PLB1: variants seen among roughly 807,000 people sequenced by gnomAD.
PLB1 encodes phospholipase B1.
A neutral mutation model predicts 227.4 loss-of-function variants in PLB1; 242 were observed. The observed-to-expected ratio is 1.06, with a 90% confidence interval of 0.96 to 1.18. PLB1 has a LOEUF of 1.18. Ranked by LOEUF, PLB1 falls within the 50% of genes most tolerant of loss-of-function variation. The pLI is 0.00. For missense variants in PLB1, 1,858 were observed against 1,816.3 expected (o/e 1.02, Z -0.42); for synonymous variants, 757 against 682.2 (o/e 1.11, Z -1.71).
chr2:28,537,774 T>A (rs547928206), intron 9 of PLB1, among the ~76,000 whole-genome samples: 1 of 151,520 alleles, frequency 6.6e-6, no homozygotes, highest in African/African-American at 2.4e-5. Context: ...GCGTGGGAGA[T>A]GTCTTTAAAT....
intron 57 of PLB1, 46 bp downstream of exon 57, chr2:28,641,047 T>TG: frequency 6.4e-7 from 1 of 1,574,522 alleles, no homozygotes; most frequent in Non-Finnish European, 8.7e-7. Context: ...ATGCCTGGGG[T>TG]GGGGGTTGTC....
chr2:28,549,691 CCTT>C (rs1479770897), intron 15 of PLB1, among the ~76,000 whole-genome samples: 1 of 152,144 alleles, frequency 6.6e-6, no homozygotes, highest in Non-Finnish European at 1.5e-5. Context: ...ATACAATTCA[CCTT>C]CTTGCACTTT....
chr2:28,597,928 C>T, intron 33 of PLB1, 77 bp from the exon 34 acceptor site: 1 of 1,390,418 alleles, frequency 7.2e-7, no homozygotes, highest in Non-Finnish European at 1.0e-6. Flanking sequence ...GTGGGGGCTG[C>T]TCTTGTGTAA....
At chr2:28,555,449 A>T (rs1385461005) in intron 17 of PLB1, among the ~76,000 whole-genome samples, 2 of 151,802 alleles carry the variant, frequency 1.3e-5, no homozygotes, top group Non-Finnish European at 2.9e-5. Context: ...GCCATGTGCC[A>T]GTGATCTTGA....
intron 14 of PLB1, among the ~76,000 whole-genome samples, chr2:28,547,865 C>T (rs1030135402): frequency 6.6e-6 from 1 of 151,816 alleles, no homozygotes; most frequent in African/African-American, 2.4e-5. Flanking sequence ...TAAAAAAAAT[C>T]CCTCCTTCCC....
chr2:28,500,298 G>A (rs913840986), intron 1 of PLB1, among the ~76,000 whole-genome samples: 18 of 152,206 alleles, frequency 1.2e-4, no homozygotes, highest in Non-Finnish European at 2.2e-4. Flanking sequence ...ACAACAAACA[G>A]TGATGTTCAT....
intron 43 of PLB1, among the ~76,000 whole-genome samples, chr2:28,607,398 C>T (rs979304317): frequency 2.6e-5 from 4 of 152,138 alleles, no homozygotes; most frequent in South Asian, 2.1e-4. Flanking sequence ...AGAGAGTGGG[C>T]ACCCCTGTTC....
chr2:28,642,797 T>A, intron 57 of PLB1, 61 bp from the exon 58 acceptor site: 1 of 1,430,216 alleles, frequency 7.0e-7, no homozygotes. Flanking sequence ...AGGCAAGTCT[T>A]GGCTTGGTGA....
chr2:28,597,669 A>G (rs1573306183), intron 33 of PLB1, among the ~76,000 whole-genome samples: 2 of 152,340 alleles, frequency 1.3e-5, no homozygotes, highest in African/African-American at 2.4e-5. Context: ...TAAAATGGAC[A>G]TAGTCACATC....
At chr2:28,614,723 C>A (rs1279908210) in intron 44 of PLB1, among the ~76,000 whole-genome samples, 1 of 152,164 alleles carries the variant, frequency 6.6e-6, no homozygotes, top group African/African-American at 2.4e-5. Flanking sequence ...GGGGTTTGAC[C>A]CGCAGTTTCA....
intron 21 of PLB1, among the ~76,000 whole-genome samples, chr2:28,577,316 T>C (rs1360807211): frequency 6.6e-6 from 1 of 152,184 alleles, no homozygotes; most frequent in Non-Finnish European, 1.5e-5. Flanking sequence ...AACTGAGAAT[T>C]TAAGTCACTT....
chr2:28,529,446 C>T (rs1459043942), intron 7 of PLB1, 39 bp downstream of exon 7: 1 of 1,478,270 alleles, frequency 6.8e-7, no homozygotes, highest in African/African-American at 1.4e-5. Context: ...GTTATGTGTT[C>T]CTACTGGTCT....
chr2:28,531,277 C>T (rs1670972780), intron 8 of PLB1, among the ~76,000 whole-genome samples: 1 of 152,026 alleles, frequency 6.6e-6, no homozygotes, highest in Non-Finnish European at 1.5e-5. Flanking sequence ...AGGGATGTTA[C>T]TGGATAAAGA....
chr2:28,511,788 CT>C lies in PLB1; in HGVS notation c.56-5006del, dbSNP rs59137589. ...TTTGGGAAGTTTTCAGCCATTTTAT[CT>C]TTTTTTTTTTTTTGAGATGGAGTTT... is the stretch of plus-strand genomic sequence containing the variant. On this transcript the variant is annotated intron_variant, in intron 1 of 57. Transcript: ENST00000327757. Among the ~76,000 whole-genome samples, 362 of 132,528 alleles carry C rather than the reference CT, an allele frequency of 2.7e-3. 1 individual carries two copies. The highest frequency in any genetic ancestry group is 5.5e-3 in the South Asian group (22 of 3,982). 86.9% of individuals were successfully genotyped at this position (132,528 alleles called of 152,430 possible). A position where few individuals can be genotyped will look rare whatever the true frequency, so the allele number is the denominator to read the frequency against.
intron 10 of PLB1, 144 bp downstream of exon 10, chr2:28,538,525 C>T: frequency 2.9e-6 from 2 of 701,176 alleles, no homozygotes; most frequent in South Asian, 3.7e-5. Context: ...CCCATCTTCT[C>T]ATCCTTTCAA....
intron 21 of PLB1, among the ~76,000 whole-genome samples, chr2:28,574,543 C>G (rs1290574162): frequency 7.8e-6 from 1 of 128,438 alleles, no homozygotes; most frequent in African/African-American, 2.7e-5. Flanking sequence ...TCACCATTCC[C>G]GGCTAATTTT....
At chr2:28,597,826 A>G (rs56767560) in intron 33 of PLB1, among the ~76,000 whole-genome samples, 179 bp from the exon 34 acceptor site, 7,648 of 152,228 alleles carry the variant, frequency 0.05, 621 homozygotes, top group African/African-American at 0.17. Context: ...GTAGGGAACC[A>G]ATATGTTAGG....
At chr2:28,617,388 C>T (rs541629399) in intron 44 of PLB1, among the ~76,000 whole-genome samples, 1 of 152,308 alleles carries the variant, frequency 6.6e-6, no homozygotes, top group East Asian at 1.9e-4. Context: ...TTGGGAGACC[C>T]ACCTGTGTAG....
In PLB1 at chr2:28,602,920, A is replaced by G. The variant is rs759614190; in HGVS notation, c.2773A>G (p.Ser925Gly). 1.2e-6 allele frequency: 2 copies of G among 1,613,846 alleles called. No homozygotes were observed. Among genetic ancestry groups the G allele is most frequent in the East Asian group, 4.5e-5 (2 of 44,888 alleles). The change falls in exon 39 of 58, where the codon AGC becomes GGC. Residue 925 changes from serine (S) to glycine (G), a missense_variant and splice_region_variant. Physicochemically the swap from Ser to Gly is moderately conservative, Grantham distance 56 (BLOSUM62 0). Transcript: ENST00000327757. Reference sequence around the variant, plus strand: ...AGACAAGTGCCCAGTGCAGCAGGCCAGGTAGGCAGGTCCTGGCTGTCCCCA... The same window carrying G: ...AGACAAGTGCCCAGTGCAGCAGGCCGGGTAGGCAGGTCCTGGCTGTCCCCA... ...NPDKCPVQQA[S>G]VLCNCVLTLR...
Sources: allele counts gnomAD v4.1 joint callset (sites outside exome capture counted in the v4.1 genomes callset), GRCh38; gene constraint gnomAD v4.1.1; transcripts MANE v1.5; gene names NCBI Gene and HGNC (gene_info 2026-07-23, HGNC 2026-07-21).